The following ANKRD36B variants were observed in gnomAD, a reference collection of about 807,000 sequenced individuals.
ANKRD36B encodes ankyrin repeat domain 36B.
A neutral mutation model predicts 135.7 loss-of-function variants in ANKRD36B; 37 were observed. The ratio of observed to expected loss-of-function variants is 0.27; its 90% CI spans 0.21 to 0.36. The LOEUF (loss-of-function observed/expected upper bound fraction) is 0.36. ANKRD36B is among the 10% of genes least tolerant of loss of function. The pLI is 1.00. For missense variants in ANKRD36B, 549 were observed against 1,037.1 expected, an observed-to-expected ratio of 0.53 and a Z score of 6.46; for synonymous variants, 179 against 348.1, an observed-to-expected ratio of 0.51 and a Z score of 5.41.
chr2:97,584,804 T>G, intron 3 of ANKRD36B, 140 bp downstream of exon 3: 3 of 700,426 alleles, frequency 4.3e-6, no homozygotes, highest in Non-Finnish European at 6.8e-6. Flanking sequence ...AAGTAAAATC[T>G]TAGACAGTTA....
At chr2:97,553,841 C>T (rs2080265883) in intron 14 of ANKRD36B, among the ~76,000 whole-genome samples, 2 of 151,980 alleles carry the variant, frequency 1.3e-5, no homozygotes. Context: ...ATTACAGTGA[C>T]ACTTCAGTTG....
rs1421983331 is a variant in ANKRD36B, at chr2:97,541,628, T to C, written c.1885+283A>G. Among the ~76,000 whole-genome samples, 4 of 96,120 alleles carry C rather than the reference T, an allele frequency of 4.2e-5. 2 individuals carry two copies. The highest frequency in any genetic ancestry group is 1.1e-4 in the Non-Finnish European group (4 of 36,054). 63.1% of individuals were successfully genotyped at this position (96,120 alleles called of 152,430 possible). On this transcript the variant is annotated intron_variant, in intron 28 of 43. Transcript: ENST00000359901. ...CTCTTGATGGAAACTTGCTGTAGAA[T>C]TAAAGCAAAATGATGCTGTCCCCTG... is the stretch of plus-strand genomic sequence containing the variant.
At chr2:97,564,963 C>T (rs1179010077) in intron 6 of ANKRD36B, among the ~76,000 whole-genome samples, 1 of 152,052 alleles carries the variant, frequency 6.6e-6, no homozygotes, top group African/African-American at 2.4e-5. Flanking sequence ...TTACTTTGGG[C>T]AGTATGGCCA....
chr2:97,522,114 G>A (rs1384078611), intron 36 of ANKRD36B, among the ~76,000 whole-genome samples: 2 of 87,500 alleles, frequency 2.3e-5, no homozygotes, highest in Non-Finnish European at 5.9e-5. Context: ...CTTGTGCTAG[G>A]CAAACATTTT....
At chr2:97,530,714 AAAC>A in intron 35 of ANKRD36B, among the ~76,000 whole-genome samples, 1 of 97,102 alleles carries the variant, frequency 1.0e-5, no homozygotes, top group East Asian at 2.3e-4. Flanking sequence ...TACAAGAAAA[AAAC>A]AAACAACCCC....
At chr2:97,580,626 G>A (rs2082571156) in intron 3 of ANKRD36B, 58 bp from the exon 4 acceptor site, 1 of 1,464,902 alleles carries the variant, frequency 6.8e-7, no homozygotes, top group Non-Finnish European at 9.2e-7. Context: ...CAACTGAAAT[G>A]AAAACCTTAT....
rs771175313 is a variant in ANKRD36B, at chr2:97,545,778, A to G, written c.1609-40T>C. On this transcript the variant is annotated intron_variant, in intron 23 of 43. Transcript: ENST00000359901. ...AAACAGAACAGTCAATAAATAAAGTATATTTCATAGACTATACAGTTAATA... is the reference window on the plus strand; with the variant it reads ...AAACAGAACAGTCAATAAATAAAGTGTATTTCATAGACTATACAGTTAATA... 7.3e-6 allele frequency: 7 copies of G among 955,610 alleles called. 2 individuals carry two copies. The highest frequency in any genetic ancestry group is 1.1e-5 in the Non-Finnish European group (7 of 630,052). The allele number at this position is 955,610 out of a possible 1,614,324, so 59.2% of individuals were successfully genotyped here.
intron 6 of ANKRD36B, among the ~76,000 whole-genome samples, chr2:97,564,307 T>C (rs2081275702): frequency 2.0e-5 from 3 of 152,126 alleles, no homozygotes; most frequent in African/African-American, 4.8e-5. Context: ...GACTACTTAC[T>C]TTCTTCATTT....
rs1423337737 is a variant in ANKRD36B, at chr2:97,534,106, C to G, written c.2192-1722G>C. On this transcript the variant is annotated intron_variant, in intron 34 of 43. Transcript: ENST00000359901. ...AAGCTTTCAATATGTAAATAATTGT[C>G]AAAAATGAAAAAATTAAATTTCCAC... 1.6e-4 allele frequency among the ~76,000 whole-genome samples: 15 copies of G among 92,326 alleles called. 5 individuals are homozygous for G. The highest frequency in any genetic ancestry group is 1.4e-3 in the Admixed American group (15 of 10,436). 60.6% of individuals were successfully genotyped at this position (92,326 alleles called of 152,430 possible). A position where few individuals can be genotyped will look rare whatever the true frequency, so the allele number is the denominator to read the frequency against.
At chr2:97,575,417 C>T (rs1361241380) in intron 6 of ANKRD36B, among the ~76,000 whole-genome samples, 5 of 152,094 alleles carry the variant, frequency 3.3e-5, no homozygotes, top group Non-Finnish European at 5.9e-5. Context: ...ATTCAGTGAA[C>T]ACGTCCTACT....
chr2:97,574,551 A>C (rs897502574), intron 6 of ANKRD36B, among the ~76,000 whole-genome samples: 3 of 152,264 alleles, frequency 2.0e-5, no homozygotes, highest in Non-Finnish European at 2.9e-5. Flanking sequence ...ATACACCCAA[A>C]GGATTATAAA....
At chr2:97,508,866 C>G (rs2077431112) in intron 40 of ANKRD36B, among the ~76,000 whole-genome samples, 1 of 109,020 alleles carries the variant, frequency 9.2e-6, no homozygotes, top group African/African-American at 2.5e-5. Flanking sequence ...CCCACTTAAC[C>G]AACCCAAACA....
Position 97,524,990 on chromosome 2 carries a change from T to G in ANKRD36B, c.2266-1523A>C, listed in dbSNP as rs1306157792. 2 of 97,232 alleles carry G rather than the reference T, an allele frequency of 2.1e-5. 1 individual carries two copies. The highest frequency in any genetic ancestry group is 5.5e-5 in the Non-Finnish European group (2 of 36,508). 6.0% of individuals were successfully genotyped at this position (97,232 alleles called of 1,614,324 possible). A position where few individuals can be genotyped will look rare whatever the true frequency, so the allele number is the denominator to read the frequency against. ...TGTCTTTTCTGTCAGAGTACATGTT[T>G]TAGAAATAACTCTATCTTTAAATAA... On this transcript the variant is annotated intron_variant, in intron 35 of 43. Coordinates refer to ENST00000359901, the MANE Select transcript of ANKRD36B (RefSeq NM_001393939.1).
At chr2:97,587,043 C>T (rs549869226) in intron 1 of ANKRD36B, among the ~76,000 whole-genome samples, 3 of 152,136 alleles carry the variant, frequency 2.0e-5, no homozygotes, top group Admixed American at 6.5e-5. Context: ...GGCATGGTGG[C>T]GCACACCTGT....
At position 97,589,791 on chromosome 2, in the gene ANKRD36B, A is replaced by C. The variant is rs2083292708; in HGVS notation, c.-106T>G. On this transcript the variant is annotated 5_prime_UTR_variant, in exon 1 of 44. Coordinates refer to ENST00000359901, the MANE Select transcript of ANKRD36B (RefSeq NM_001393939.1). ...CCTTCGGGGATCGCCGCCTCCGAAG[A>C]GCAACAACAGGCAAAGCAGTCTGTG... 1 of 1,555,772 alleles carries C rather than the reference A, an allele frequency of 6.4e-7. No individual in the cohort carries two copies. The highest frequency in any genetic ancestry group is 1.1e-5 in the South Asian group (1 of 88,398).
chr2:97,579,687 A>ATATATTATCTATAAATATATATTGTATAT (rs1401845944), intron 4 of ANKRD36B, among the ~76,000 whole-genome samples: 3 of 145,520 alleles, frequency 2.1e-5, no homozygotes, highest in East Asian at 3.9e-4. Context: ...TGTATATATT[A>ATATATTATCTATAAATATATATTGTATAT]TATATTATAT....
At chr2:97,546,478 T>G (rs1241170102) in intron 22 of ANKRD36B, among the ~76,000 whole-genome samples, 2 of 151,738 alleles carry the variant, frequency 1.3e-5, no homozygotes. Context: ...GTTTCTTGTA[T>G]CCACTAGTTT....
intron 14 of ANKRD36B, among the ~76,000 whole-genome samples, chr2:97,553,970 C>T (rs2080276578): frequency 6.6e-6 from 1 of 151,884 alleles, no homozygotes; most frequent in Non-Finnish European, 1.5e-5. Flanking sequence ...TGTGGTGCAA[C>T]AATTTGCCTA....
At chr2:97,522,298 C>G (rs2077988428) in intron 36 of ANKRD36B, among the ~76,000 whole-genome samples, 1 of 59,422 alleles carries the variant, frequency 1.7e-5, no homozygotes, top group Admixed American at 1.6e-4. Flanking sequence ...CAAATACATA[C>G]AGAATTATTA....
Sources: allele counts gnomAD v4.1 joint callset (sites outside exome capture counted in the v4.1 genomes callset), GRCh38; gene constraint gnomAD v4.1.1; transcripts MANE v1.5; gene names NCBI Gene and HGNC (gene_info 2026-07-23, HGNC 2026-07-21).